Variants in KAT14 observed in about 807,000 individuals in gnomAD.
The protein encoded by KAT14 is lysine acetyltransferase 14.
A neutral mutation model predicts 78.4 loss-of-function variants in KAT14; 66 were observed. The ratio of observed to expected loss-of-function variants is 0.84; its 90% CI spans 0.69 to 1.03. The LOEUF is 1.03. Ranked by LOEUF, KAT14 falls within the 50% of genes least tolerant of loss-of-function variation. The pLI is 0.00. For missense variants in KAT14, 870 were observed against 972.5 expected (o/e 0.89, Z 1.40); for synonymous variants, 344 against 359.4 (o/e 0.96, Z 0.48).
At chr20:18,178,116 A>AAC (rs900625597) in intron 7 of KAT14, among the ~76,000 whole-genome samples, 2 of 151,560 alleles carry the variant, frequency 1.3e-5, no homozygotes, top group Admixed American at 6.6e-5. Flanking sequence ...TCAAAAAAAA[A>AAC]ACAAAAAACA....
intron 7 of KAT14, among the ~76,000 whole-genome samples, chr20:18,176,895 A>C (rs2039070710): frequency 6.6e-6 from 1 of 152,302 alleles, no homozygotes; most frequent in South Asian, 2.1e-4. Flanking sequence ...GAGTGGGAGC[A>C]GAGAGACCAA....
chr20:18,139,679 T>TGTGTGTGTGTG (rs1555801288), intron 1 of KAT14, among the ~76,000 whole-genome samples: 1 of 150,000 alleles, frequency 6.7e-6, no homozygotes, highest in African/African-American at 2.5e-5. Context: ...TGTGTGTTTA[T>TGTGTGTGTGTG]TTTTTTTCCT....
intron 1 of KAT14, among the ~76,000 whole-genome samples, chr20:18,141,191 C>T (rs1358795670): frequency 6.6e-6 from 1 of 151,700 alleles, no homozygotes; most frequent in East Asian, 1.9e-4. Context: ...GGCCTAAAAC[C>T]TTTAGAGTAT....
chr20:18,181,002 A>G (rs2039227562), intron 7 of KAT14, among the ~76,000 whole-genome samples: 1 of 152,172 alleles, frequency 6.6e-6, no homozygotes, highest in Admixed American at 6.5e-5. Context: ...GAGCAATCAT[A>G]TAATATGACT....
At chr20:18,152,304 C>T (rs569191039) in intron 4 of KAT14, among the ~76,000 whole-genome samples, 12 of 152,144 alleles carry the variant, frequency 7.9e-5, no homozygotes, top group Admixed American at 5.9e-4. Context: ...AGGCTGGGCC[C>T]GGTAGCTCAG....
At chr20:18,186,257 G>A (rs575136467) in intron 10 of KAT14, among the ~76,000 whole-genome samples, 253 of 152,210 alleles carry the variant, frequency 1.7e-3, no homozygotes, top group African/African-American at 5.8e-3. Context: ...ACCCCTGAGG[G>A]CCCAAACATA....
Position 18,187,396 on chromosome 20 carries a change from T to C in KAT14, c.2283T>C (p.Asp761=), listed in dbSNP as rs781478689. 7 of 1,614,184 alleles carry C rather than the reference T, an allele frequency of 4.3e-6. No homozygotes were observed. The highest frequency in any genetic ancestry group is 3.3e-5 in the Admixed American group (2 of 60,020). The change falls in exon 11 of 11, where the codon GAT becomes GAC. Residue 761 remains aspartate (D), a synonymous_variant. Transcript: ENST00000688188. Reference sequence around the variant, plus strand: ...AAGAATATGTATTAGATTTCTATGATAAATATTACCCATTGGAGAGTACAG... The same window carrying C: ...AAGAATATGTATTAGATTTCTATGACAAATATTACCCATTGGAGAGTACAG... ...KTEEYVLDFY[D]KYYPLESTEC... is the part of the protein sequence containing the mutation.
rs76928182 is a variant in KAT14, at chr20:18,179,590, G to T, written c.1669-2120G>T. On this transcript the variant is annotated intron_variant, in intron 7 of 10. Coordinates refer to ENST00000688188, the MANE Select transcript of KAT14 (RefSeq NM_001392073.1). The stretch of plus-strand genomic sequence containing the variant: ...GCCCCTTTTAGCAATGACTGGAGCG[G>T]CTGGGGCACAGGGCGGCAAGTCCCC... 2.6e-5 allele frequency among the ~76,000 whole-genome samples: 4 copies of T among 152,184 alleles called. No homozygotes were observed. In the South Asian group the frequency reaches 6.2e-4, roughly 24 times the overall value.
intron 7 of KAT14, among the ~76,000 whole-genome samples, chr20:18,172,095 A>G (rs578125633): frequency 2.0e-5 from 3 of 152,032 alleles, no homozygotes; most frequent in African/African-American, 7.2e-5. Context: ...ACAACAATAT[A>G]GTGTCAACTT....
At chr20:18,174,387 C>T (rs1198567538) in intron 7 of KAT14, among the ~76,000 whole-genome samples, 1 of 151,986 alleles carries the variant, frequency 6.6e-6, no homozygotes, top group African/African-American at 2.4e-5. Context: ...TGAAGGATTG[C>T]TAGACTGTCT....
intron 7 of KAT14, among the ~76,000 whole-genome samples, chr20:18,172,870 G>A (rs74517229): frequency 3.9e-5 from 6 of 152,148 alleles, no homozygotes; most frequent in Admixed American, 3.9e-4. Flanking sequence ...AATGGGGGAG[G>A]TGTGGGCAGG....
At chr20:18,176,406 G>GT (rs1437591355) in intron 7 of KAT14, among the ~76,000 whole-genome samples, 1 of 152,158 alleles carries the variant, frequency 6.6e-6, no homozygotes, top group South Asian at 2.1e-4. Flanking sequence ...CCTTGAGCAG[G>GT]GAGCTGACAT....
intron 1 of KAT14, among the ~76,000 whole-genome samples, chr20:18,140,294 G>A (rs190967034): frequency 1.1e-4 from 16 of 152,220 alleles, no homozygotes; most frequent in Non-Finnish European, 2.2e-4. Context: ...CTTGCCAAGG[G>A]TGCATGGTTC....
At chr20:18,158,747 A>C (rs2038309805) in intron 4 of KAT14, among the ~76,000 whole-genome samples, 1 of 152,200 alleles carries the variant, frequency 6.6e-6, no homozygotes, top group African/African-American at 2.4e-5. Flanking sequence ...ACTTAATTAA[A>C]ATTAGCCTGT....
intron 4 of KAT14, among the ~76,000 whole-genome samples, chr20:18,153,560 T>A (rs947212305): frequency 6.6e-6 from 1 of 152,228 alleles, no homozygotes; most frequent in Non-Finnish European, 1.5e-5. Context: ...TGCCTGTTTT[T>A]AAAAATATTG....
At chr20:18,167,984 C>T (rs1017494226) in intron 7 of KAT14, among the ~76,000 whole-genome samples, 14 of 151,860 alleles carry the variant, frequency 9.2e-5, no homozygotes, top group Non-Finnish European at 1.9e-4. Context: ...ATTCACTCGT[C>T]CTATTGTTTC....
upstream of KAT14, among the ~76,000 whole-genome samples, chr20:18,137,425 G>A (rs940498895): frequency 2.6e-5 from 4 of 152,198 alleles, no homozygotes; most frequent in Admixed American, 2.6e-4. Context: ...GGAACCCCGC[G>A]CCTCTGAAGC....
chr20:18,164,775 C>T (rs2038579261), intron 7 of KAT14, among the ~76,000 whole-genome samples: 1 of 151,986 alleles, frequency 6.6e-6, no homozygotes, highest in African/African-American at 2.4e-5. Context: ...CACTACCACA[C>T]TCAGCTAATT....
rs2038006089 is a variant in KAT14 at position 18,150,819 on chromosome 20, A to G, written c.379-2A>G. On this transcript the variant is annotated splice_acceptor_variant, in intron 3 of 10. Transcript: ENST00000688188. LOFTEE classifies it high-confidence loss of function. Reference sequence around the variant, plus strand: ...CCACCTCTTGTTTCAATTGTGTTTCAGGTCGTCATGTTGGCAATGTACAAC... The same window carrying G: ...CCACCTCTTGTTTCAATTGTGTTTCGGGTCGTCATGTTGGCAATGTACAAC... The G allele has an allele frequency of 1.2e-6, 2 of 1,614,022 alleles. No individual in the cohort carries two copies. Among genetic ancestry groups the G allele is most frequent in the East Asian group, 4.5e-5 (2 of 44,866 alleles).
Sources: allele counts gnomAD v4.1 joint callset (sites outside exome capture counted in the v4.1 genomes callset), GRCh38; gene constraint gnomAD v4.1.1; transcripts MANE v1.5; gene names NCBI Gene and HGNC (gene_info 2026-07-23, HGNC 2026-07-21).